UBXN7: variants seen among roughly 807,000 people sequenced by gnomAD.
UBXN7 encodes the protein UBX domain protein 7.
UBXN7 carries 9 observed loss-of-function variants against 58.0 expected under a neutral mutation model. The ratio of observed to expected loss-of-function variants is 0.16; its 90% CI spans 0.09 to 0.27. The LOEUF (loss-of-function observed/expected upper bound fraction) is 0.27. Ranked by LOEUF, UBXN7 falls within the 10% of genes least tolerant of loss-of-function variation. The pLI, the probability that UBXN7 is intolerant of heterozygous loss-of-function variation, is 1.00. For missense variants in UBXN7, 328 were observed against 599.6 expected (o/e 0.55, Z 4.73); for synonymous variants, 208 against 205.0 (o/e 1.01, Z -0.12).
intron 4 of UBXN7, among the ~76,000 whole-genome samples, chr3:196,392,267 C>T (rs1729608778): frequency 6.6e-6 from 1 of 151,758 alleles, no homozygotes; most frequent in South Asian, 2.1e-4. Flanking sequence ...TTTGGATGGC[C>T]GAGGTCAGCA....
chr3:196,373,350 T>C (rs946969147), intron 5 of UBXN7, among the ~76,000 whole-genome samples: 2 of 152,208 alleles, frequency 1.3e-5, no homozygotes, highest in African/African-American at 2.4e-5. Context: ...CGTTAGTGCG[T>C]ACTTTTTGCC....
intron 4 of UBXN7, among the ~76,000 whole-genome samples, chr3:196,393,203 T>C (rs1250702700): frequency 6.6e-6 from 1 of 152,366 alleles, no homozygotes; most frequent in Non-Finnish European, 1.5e-5. Flanking sequence ...CAATCTCTTA[T>C]AATAACCATT....
At chr3:196,362,250 C>T in intron 9 of UBXN7, 44 bp downstream of exon 9, 1 of 1,542,658 alleles carries the variant, frequency 6.5e-7, no homozygotes, top group Non-Finnish European at 8.7e-7. Flanking sequence ...ACGCCCGGCC[C>T]CAATATCTAA....
chr3:196,363,243 CATACATAAAT>C (rs1247413645), intron 8 of UBXN7, among the ~76,000 whole-genome samples: 17 of 127,780 alleles, frequency 1.3e-4, no homozygotes, highest in African/African-American at 5.4e-4. Context: ...TACATACATA[CATACATAAAT>C]ATATATATAC....
At chr3:196,430,708 T>C (rs1390531719) in intron 1 of UBXN7, among the ~76,000 whole-genome samples, 1 of 152,038 alleles carries the variant, frequency 6.6e-6, no homozygotes, top group Non-Finnish European at 1.5e-5. Context: ...TCATAAACCA[T>C]CTCTAGGAAA....
rs907461296 is a variant in UBXN7 at position 196,388,925 on chromosome 3, GA to G, written c.468+2887del. 2.7e-4 allele frequency among the ~76,000 whole-genome samples: 40 copies of G among 145,974 alleles called. No individual in the cohort carries two copies. The South Asian group carries it at 5.4e-3, about 20-fold the overall frequency. ...GATGGTTAAGTATAATATTATCAGTGAAAAAAAAAATGGACTGCTGTAAACA... is the reference window on the plus strand; with the variant it reads ...GATGGTTAAGTATAATATTATCAGTGAAAAAAAAATGGACTGCTGTAAACA... On this transcript the variant is annotated intron_variant, in intron 5 of 10. Coordinates refer to ENST00000296328, the MANE Select transcript of UBXN7 (RefSeq NM_015562.2).
At chr3:196,361,584 A>C (rs1728506635) in intron 10 of UBXN7, among the ~76,000 whole-genome samples, 2 of 152,196 alleles carry the variant, frequency 1.3e-5, no homozygotes, top group African/African-American at 4.8e-5. Flanking sequence ...CCATCACCCC[A>C]ATCAGTCAGT....
At chr3:196,426,046 A>G (rs1418567002) in intron 1 of UBXN7, among the ~76,000 whole-genome samples, 2 of 152,188 alleles carry the variant, frequency 1.3e-5, no homozygotes, top group Admixed American at 6.6e-5. Context: ...AAATGAATCT[A>G]CTAGTAAGAT....
chr3:196,403,197 G>T (rs763134031), intron 2 of UBXN7, among the ~76,000 whole-genome samples, 178 bp from the exon 3 acceptor site: 1 of 152,062 alleles, frequency 6.6e-6, no homozygotes, highest in Non-Finnish European at 1.5e-5. Context: ...TCACTCTGTC[G>T]TCCAGGCTGG....
At chr3:196,404,799 A>G (rs1730109116) in intron 2 of UBXN7, among the ~76,000 whole-genome samples, 1 of 152,210 alleles carries the variant, frequency 6.6e-6, no homozygotes, top group Non-Finnish European at 1.5e-5. Context: ...CAAAATTTCG[A>G]TAATCTGAAG....
intron 1 of UBXN7, among the ~76,000 whole-genome samples, chr3:196,414,889 A>T (rs1418172700): frequency 6.6e-6 from 1 of 152,172 alleles, no homozygotes; most frequent in East Asian, 1.9e-4. Context: ...CATTCTAACC[A>T]ACAGAAAACA....
rs566683896 is a variant in UBXN7 at position 196,354,407 on chromosome 3, A to C, written c.*2278T>G. The C allele has an allele frequency of 6.6e-6, 1 of 152,370 alleles. No homozygotes were observed. Among genetic ancestry groups the C allele is most frequent in the South Asian group, 2.1e-4 (1 of 4,832 alleles). 9.4% of individuals were successfully genotyped at this position (152,370 alleles called of 1,614,324 possible). On this transcript the variant is annotated 3_prime_UTR_variant, in exon 11 of 11. Coordinates refer to ENST00000296328, the MANE Select transcript of UBXN7 (RefSeq NM_015562.2). ...AACTGTTTTATCAAGAGAAGCTAGA[A>C]GGTAAAGAAAAGGAAACAGAGCCCT...
chr3:196,384,100 A>G (rs944300667), intron 5 of UBXN7, among the ~76,000 whole-genome samples: 1 of 152,246 alleles, frequency 6.6e-6, no homozygotes, highest in African/African-American at 2.4e-5. Flanking sequence ...AGACGCAATA[A>G]AAAATGATCA....
At chr3:196,366,110 C>T (rs1160426260) in intron 8 of UBXN7, among the ~76,000 whole-genome samples, 2 of 152,184 alleles carry the variant, frequency 1.3e-5, no homozygotes, top group South Asian at 2.1e-4. Context: ...GCCAGGAGTT[C>T]GAGACCATCC....
intron 1 of UBXN7, among the ~76,000 whole-genome samples, chr3:196,426,903 C>T (rs1202784594): frequency 1.3e-5 from 2 of 151,156 alleles, no homozygotes; most frequent in Non-Finnish European, 2.9e-5. Flanking sequence ...ATACCACAAA[C>T]ATGACAGCCC....
At chr3:196,375,183 CCACACACACACACACACA>C (rs56188527) in intron 5 of UBXN7, among the ~76,000 whole-genome samples, 13 of 139,728 alleles carry the variant, frequency 9.3e-5, no homozygotes, top group Non-Finnish European at 1.4e-4. Flanking sequence ...GGTGCTCTTA[CCACACACACACACACACA>C]CACACACACA....
intron 2 of UBXN7, among the ~76,000 whole-genome samples, chr3:196,403,709 G>A (rs1730063617): frequency 6.6e-6 from 1 of 151,850 alleles, no homozygotes; most frequent in African/African-American, 2.4e-5. Flanking sequence ...AAATCACAAG[G>A]ACATATTAAA....
Position 196,393,626 on chromosome 3 carries a change from G to C in UBXN7, c.290-7C>G. 1 of 1,603,374 alleles carries C rather than the reference G, an allele frequency of 6.2e-7. No individual in the cohort carries two copies. Among genetic ancestry groups the C allele is most frequent in the South Asian group, 1.1e-5 (1 of 88,622 alleles). The stretch of plus-strand genomic sequence containing the variant: ...GGCCGTCGTCTTTTAGGAGCTTTGG[G>C]GAGAAAAAATAGAATTGAAAATTTT... On this transcript the variant is annotated splice_polypyrimidine_tract_variant and splice_region_variant and intron_variant, in intron 3 of 10. Coordinates refer to ENST00000296328, the MANE Select transcript of UBXN7 (RefSeq NM_015562.2).
At chr3:196,424,383 ATTTTTT>A (rs869183431) in intron 1 of UBXN7, among the ~76,000 whole-genome samples, 19 of 104,900 alleles carry the variant, frequency 1.8e-4, no homozygotes, top group South Asian at 3.3e-4. Context: ...TCTTTTCCTA[ATTTTTT>A]TTTTTTTTTT....
Sources: allele counts gnomAD v4.1 joint callset (sites outside exome capture counted in the v4.1 genomes callset), GRCh38; gene constraint gnomAD v4.1.1; transcripts MANE v1.5; gene names NCBI Gene and HGNC (gene_info 2026-07-23, HGNC 2026-07-21).